Variants in PCDHA4 observed in about 807,000 individuals in gnomAD.
PCDHA4 encodes the protein protocadherin alpha 4.
In PCDHA4, 49 loss-of-function variants were observed where a neutral mutation model predicts 61.4. That is an observed-to-expected ratio of 0.80 (90% CI 0.63 to 1.01). The LOEUF is 1.01. PCDHA4 is among the 50% of genes least tolerant of loss of function. The pLI, the probability that PCDHA4 is intolerant of heterozygous loss-of-function variation, is 0.00. For synonymous variants in PCDHA4, 590 were observed against 550.3 expected (o/e 1.07, Z -1.01); for missense variants, 1,254 against 1,235.8 (o/e 1.01, Z -0.22).
intron 1 of PCDHA4, among the ~76,000 whole-genome samples, chr5:140,932,053 C>T (rs1358715698): frequency 6.6e-6 from 1 of 151,780 alleles, no homozygotes; most frequent in Non-Finnish European, 1.5e-5. Flanking sequence ...GCCTGTAATA[C>T]TAAAAATTAT....
chr5:140,848,205 T>C (rs1781374439), intron 1 of PCDHA4: 1 of 336,638 alleles, frequency 3.0e-6, no homozygotes, highest in Non-Finnish European at 5.4e-6. Flanking sequence ...CAACAATCAT[T>C]ACTTAAGAAA....
intron 1 of PCDHA4, among the ~76,000 whole-genome samples, chr5:140,886,582 C>A (rs1304608793): frequency 6.6e-6 from 1 of 151,938 alleles, no homozygotes; most frequent in African/African-American, 2.4e-5. Flanking sequence ...AATCCCAGCA[C>A]TTTGGGAGGC....
intron 1 of PCDHA4, chr5:140,824,778 C>A (rs189409181): frequency 7.3e-4 from 111 of 151,842 alleles, no homozygotes; most frequent in African/African-American, 2.6e-3. Flanking sequence ...TGTTTTAACA[C>A]CACCCTTCCA....
chr5:140,964,909 A>G (rs1164322313), intron 1 of PCDHA4, among the ~76,000 whole-genome samples: 1 of 152,208 alleles, frequency 6.6e-6, no homozygotes, highest in African/African-American at 2.4e-5. Context: ...GCTTCTCTGG[A>G]ATAACACTGG....
intron 1 of PCDHA4, among the ~76,000 whole-genome samples, chr5:140,885,773 G>T (rs1419137937): frequency 6.6e-6 from 1 of 152,016 alleles, no homozygotes; most frequent in African/African-American, 2.4e-5. Flanking sequence ...TATAGTATTA[G>T]TGAATTTGAG....
chr5:140,842,399 C>A, intron 1 of PCDHA4: 1 of 1,611,446 alleles, frequency 6.2e-7, no homozygotes, highest in Non-Finnish European at 8.5e-7. Flanking sequence ...CTTGCCTGTA[C>A]GTGAAGACGC....
chr5:140,923,508 G>C (rs570497442), intron 1 of PCDHA4, among the ~76,000 whole-genome samples: 1 of 152,222 alleles, frequency 6.6e-6, no homozygotes, highest in Non-Finnish European at 1.5e-5. Flanking sequence ...CAGCCTGGAT[G>C]ATGAAGTGAG....
chr5:140,824,251 T>C (rs1283457501), intron 1 of PCDHA4: 2 of 1,394,460 alleles, frequency 1.4e-6, no homozygotes, highest in Non-Finnish European at 2.0e-6. Flanking sequence ...GGTACACAAT[T>C]ATTGCACTAA....
At chr5:140,907,287 G>C (rs1179027055) in intron 1 of PCDHA4, among the ~76,000 whole-genome samples, 1 of 152,178 alleles carries the variant, frequency 6.6e-6, no homozygotes, top group Non-Finnish European at 1.5e-5. Flanking sequence ...TATCAATCCA[G>C]CTGCTTCAGG....
intron 1 of PCDHA4, chr5:140,858,571 C>T: frequency 7.3e-7 from 1 of 1,362,320 alleles, no homozygotes. Flanking sequence ...CTAGTGATAC[C>T]TTTGTAATAT....
chr5:140,853,842 C>T lies in PCDHA4; in HGVS notation c.2385+44270C>T. On this transcript the variant is annotated intron_variant, in intron 1 of 3. Coordinates refer to ENST00000530339, the MANE Select transcript of PCDHA4 (RefSeq NM_018907.4). ...TTCTCATACAACCGAAATTTTAGATCCATAGCCCTATTTGATACTTGACAG... is the reference window on the plus strand; with the variant it reads ...TTCTCATACAACCGAAATTTTAGATTCATAGCCCTATTTGATACTTGACAG... 7.1e-6 allele frequency: 7 copies of T among 986,448 alleles called. 1 individual carries two copies. The highest frequency in any genetic ancestry group is 8.6e-6 in the Non-Finnish European group (7 of 818,538). The allele number at this position is 986,448 out of a possible 1,614,324, so 61.1% of individuals were successfully genotyped here. A position where few individuals can be genotyped will look rare whatever the true frequency, so the allele number is the denominator to read the frequency against.
intron 1 of PCDHA4, among the ~76,000 whole-genome samples, chr5:140,880,559 G>A (rs929072104): frequency 2.0e-5 from 3 of 152,224 alleles, no homozygotes; most frequent in Non-Finnish European, 4.4e-5. Context: ...TGGAAATGAG[G>A]TTGAGAATTT....
At chr5:140,870,619 T>C in intron 1 of PCDHA4, 1 of 1,613,150 alleles carries the variant, frequency 6.2e-7, no homozygotes, top group Middle Eastern at 1.7e-4. Flanking sequence ...GCTGTCGAGC[T>C]ACGTGTCGGT....
At position 140,807,791 on chromosome 5, in the gene PCDHA4, A is replaced by G; in HGVS notation, c.604A>G (p.Arg202Gly). ...GCTTATATTACGGAAATCTTTAGAC[A>G]GAGAAGAAGCTCCGGAGATTTTTTT... ...LGLILRKSLD[R>G]EEAPEIFLVL... The change falls in exon 1 of 4, where the codon AGA becomes GGA. Residue 202 changes from arginine to glycine, a missense_variant. Coordinates refer to ENST00000530339, the MANE Select transcript of PCDHA4 (RefSeq NM_018907.4). 6.2e-7 allele frequency: 1 copy of G among 1,614,158 alleles called. No homozygotes were observed. Among genetic ancestry groups the G allele is most frequent in the Non-Finnish European group, 8.5e-7 (1 of 1,180,028 alleles).
intron 1 of PCDHA4, chr5:140,853,187 G>A: frequency 1.0e-6 from 1 of 979,936 alleles, no homozygotes; most frequent in Non-Finnish European, 1.2e-6. Flanking sequence ...CCTAAAATGT[G>A]TTCTTTATTA....
At chr5:140,854,558 G>A (rs1344773407) in intron 1 of PCDHA4, 1 of 149,764 alleles carries the variant, frequency 6.7e-6, no homozygotes, top group East Asian at 1.9e-4. Flanking sequence ...CATAAATATT[G>A]TTGCTCTGTC....
Position 140,946,631 on chromosome 5 carries a change from T to TATATATATATATATATATATATATAC in PCDHA4, c.2386-32317_2386-32316insTATATATATATATATATATATATACA, listed in dbSNP as rs57893927. ...TGTGAAATATATATATATATATATA[T>TATATATATATATATATATATATATAC]ACAATGGAATACTCATCAGCCATTA... On this transcript the variant is annotated intron_variant, in intron 1 of 3. Coordinates refer to ENST00000530339, the MANE Select transcript of PCDHA4 (RefSeq NM_018907.4). 3.1e-3 allele frequency among the ~76,000 whole-genome samples: 414 copies of TATATATATATATATATATATATATAC among 131,704 alleles called. 27 individuals carry two copies. Among genetic ancestry groups the TATATATATATATATATATATATATAC allele is most frequent in the African/African-American group, 0.013 (382 of 28,586 alleles). 86.4% of individuals were successfully genotyped at this position (131,704 alleles called of 152,430 possible). A position where few individuals can be genotyped will look rare whatever the true frequency, so the allele number is the denominator to read the frequency against.
At chr5:140,981,169 C>T (rs2096920797) in intron 2 of PCDHA4, among the ~76,000 whole-genome samples, 1 of 152,170 alleles carries the variant, frequency 6.6e-6, no homozygotes, top group Admixed American at 6.5e-5. Context: ...GTTGCCTTCC[C>T]TCTAATAGTT....
At chr5:140,887,396 C>T (rs2153420229) in intron 1 of PCDHA4, among the ~76,000 whole-genome samples, 1 of 152,174 alleles carries the variant, frequency 6.6e-6, no homozygotes, top group Non-Finnish European at 1.5e-5. Flanking sequence ...GCGCCCGGCT[C>T]TTTATCTCAT....
Sources: gnomAD v4.1 joint callset for allele counts (sites outside exome capture counted in the v4.1 genomes callset) on GRCh38, gnomAD v4.1.1 for gene constraint, MANE v1.5 for transcripts, NCBI Gene and HGNC (gene_info 2026-07-23, HGNC 2026-07-21) for gene names.